The following AGBL1 variants were observed in gnomAD, a reference collection of about 807,000 sequenced individuals.
AGBL1 encodes the protein cytosolic carboxypeptidase 4.
AGBL1 carries 130 observed loss-of-function variants against 118.9 expected under a neutral mutation model. That is an observed-to-expected ratio of 1.09 (90% confidence interval 0.95 to 1.26). The LOEUF (loss-of-function observed/expected upper bound fraction) is 1.26. AGBL1 is among the 50% of genes most tolerant of loss of function. AGBL1 has a pLI of 0.00. For synonymous variants in AGBL1, 555 were observed against 478.9 expected, an observed-to-expected ratio of 1.16 and a Z score of -2.08; for missense variants, 1,584 against 1,298.1, an observed-to-expected ratio of 1.22 and a Z score of -3.38.
intron 17 of AGBL1, among the ~76,000 whole-genome samples, chr15:86,391,205 A>G (rs149430910): frequency 0.01 from 1,540 of 152,232 alleles, 10 homozygotes; most frequent in Non-Finnish European, 0.016. Flanking sequence ...GGTAAAATTT[A>G]TGTCTGTAAA....
chr15:86,196,954 A>G (rs2077823337), intron 5 of AGBL1, among the ~76,000 whole-genome samples: 1 of 151,148 alleles, frequency 6.6e-6, no homozygotes, highest in Non-Finnish European at 1.5e-5. Context: ...CATGCTGAGA[A>G]GGCAGCTAAA....
intron 18 of AGBL1, among the ~76,000 whole-genome samples, chr15:86,480,819 A>G (rs1360873434): frequency 1.3e-5 from 2 of 152,072 alleles, no homozygotes; most frequent in African/African-American, 2.4e-5. Flanking sequence ...GAACAGCATG[A>G]AGAAAGCACA....
At chr15:86,080,789 A>G (rs991905716) in intron 1 of AGBL1, among the ~76,000 whole-genome samples, 6 of 152,070 alleles carry the variant, frequency 3.9e-5, no homozygotes, top group African/African-American at 1.4e-4. Context: ...CTCCATGTAG[A>G]TTTAAGGCTG....
At chr15:86,804,664 ATACTGTTT>A (rs2141355341) in intron 22 of AGBL1, among the ~76,000 whole-genome samples, 1 of 152,282 alleles carries the variant, frequency 6.6e-6, no homozygotes, top group African/African-American at 2.4e-5. Context: ...AACCTGGGTC[ATACTGTTT>A]TTTCTTGCAC....
rs1596311106 is a variant in AGBL1, at chr15:86,615,668, A to G, written c.2995-58605A>G. Among the ~76,000 whole-genome samples, 2 of 152,194 alleles carry G rather than the reference A, an allele frequency of 1.3e-5. No homozygotes were observed. Among genetic ancestry groups the G allele is most frequent in the African/African-American group, 4.8e-5 (2 of 41,462 alleles). On this transcript the variant is annotated intron_variant, in intron 21 of 22. Coordinates refer to ENST00000614907, the MANE Select transcript of AGBL1 (RefSeq NM_001386094.1). This position sits in a 1 kb window ranked among gnomAD's most constrained non-coding sequence, Gnocchi z 4.3. ...TCCGGTTCACCTCTGGACAGCTGGCATGGGTGCAAAGACATTGATTGACAT... is the reference window on the plus strand; with the variant it reads ...TCCGGTTCACCTCTGGACAGCTGGCGTGGGTGCAAAGACATTGATTGACAT...
chr15:86,667,778 C>T (rs1201242573), intron 21 of AGBL1, among the ~76,000 whole-genome samples: 2 of 152,100 alleles, frequency 1.3e-5, no homozygotes, highest in African/African-American at 2.4e-5. Flanking sequence ...ATCACTTTTC[C>T]CTAATCTCTT....
At chr15:86,116,215 C>A (rs1897748879) in intron 1 of AGBL1, among the ~76,000 whole-genome samples, 1 of 152,108 alleles carries the variant, frequency 6.6e-6, no homozygotes, top group Non-Finnish European at 1.5e-5. Flanking sequence ...CACAACCAAC[C>A]AACCAATCGA....
At chr15:86,885,980 A>C (rs1400838712) in intron 22 of AGBL1, among the ~76,000 whole-genome samples, 1 of 152,246 alleles carries the variant, frequency 6.6e-6, no homozygotes, top group Non-Finnish European at 1.5e-5. Context: ...CCTGATAGAA[A>C]CATAGAATTT....
chr15:86,842,937 C>A (rs1385994673), intron 22 of AGBL1, among the ~76,000 whole-genome samples: 1 of 152,092 alleles, frequency 6.6e-6, no homozygotes, highest in Admixed American at 6.5e-5. Context: ...TTAGACAATT[C>A]AATCTGGAAA....
At chr15:87,031,216 C>A (rs2081779302), downstream of AGBL1, among the ~76,000 whole-genome samples, 2 of 152,008 alleles carry the variant, frequency 1.3e-5, no homozygotes, top group South Asian at 4.2e-4. Flanking sequence ...TATTTTGTCT[C>A]ATTTTTTTCC....
intron 22 of AGBL1, among the ~76,000 whole-genome samples, chr15:86,748,327 TTTG>T (rs1251319346): frequency 6.6e-6 from 1 of 151,984 alleles, no homozygotes; most frequent in African/African-American, 2.4e-5. Flanking sequence ...GATGGGGTTG[TTTG>T]TTTTTTTCTT....
At chr15:86,209,006 G>A (rs1483793249) in intron 5 of AGBL1, among the ~76,000 whole-genome samples, 1 of 152,122 alleles carries the variant, frequency 6.6e-6, no homozygotes, top group East Asian at 1.9e-4. Context: ...AGAGATTATG[G>A]TATGTTGTGT....
chr15:86,279,171 T>C (rs2079306783), intron 15 of AGBL1, among the ~76,000 whole-genome samples: 2 of 152,234 alleles, frequency 1.3e-5, no homozygotes, highest in Admixed American at 1.3e-4. Context: ...ATATATCATG[T>C]GATTGCTAAT....
chr15:86,571,012 G>T (rs958857136), intron 21 of AGBL1, among the ~76,000 whole-genome samples: 1 of 152,208 alleles, frequency 6.6e-6, no homozygotes, highest in African/African-American at 2.4e-5. Flanking sequence ...CACGCTGGCT[G>T]ATGCTATAGG....
At chr15:86,824,236 T>G (rs1262420874) in intron 22 of AGBL1, among the ~76,000 whole-genome samples, 1 of 152,104 alleles carries the variant, frequency 6.6e-6, no homozygotes. Context: ...AATGAGGTTA[T>G]TAAGATTGTA....
At chr15:86,288,127 T>C (rs1282807077) in intron 16 of AGBL1, among the ~76,000 whole-genome samples, 2 of 152,154 alleles carry the variant, frequency 1.3e-5, no homozygotes, top group African/African-American at 4.8e-5. Flanking sequence ...CTTGGAATCT[T>C]GATAGTAATT....
intron 1 of AGBL1, among the ~76,000 whole-genome samples, chr15:86,084,046 A>T (rs1401799097): frequency 1.3e-5 from 2 of 152,366 alleles, no homozygotes; most frequent in South Asian, 4.1e-4. Flanking sequence ...ACTCAAACAT[A>T]GAAACAAACT....
intron 1 of AGBL1, among the ~76,000 whole-genome samples, chr15:86,128,243 C>T (rs916980664): frequency 5.9e-5 from 9 of 151,960 alleles, no homozygotes; most frequent in South Asian, 4.1e-4. Flanking sequence ...GAAGGAAAGG[C>T]GGCAGGCAAG....
intron 23 of AGBL1, among the ~76,000 whole-genome samples, chr15:86,965,326 A>C (rs527791494): frequency 6.6e-6 from 1 of 152,178 alleles, no homozygotes; most frequent in South Asian, 2.1e-4. Context: ...TTGCCATTCT[A>C]ACTGGTGTGA....
Sources: gnomAD v4.1 joint callset for allele counts (sites outside exome capture counted in the v4.1 genomes callset) on GRCh38, gnomAD v4.1.1 for gene constraint, Gnocchi (gnomAD v3.1) non-coding constraint, MANE v1.5 for transcripts, NCBI Gene and HGNC (gene_info 2026-07-23, HGNC 2026-07-21) for gene names.